The following TMPRSS12 variants were observed in gnomAD, a reference collection of about 807,000 sequenced individuals.
TMPRSS12 encodes transmembrane serine protease 12, also known as transmembrane protease serine 12.
TMPRSS12 carries 25 observed loss-of-function variants against 26.0 expected under a neutral mutation model. The observed-to-expected ratio is 0.96, with a 90% CI of 0.70 to 1.34. The LOEUF (loss-of-function observed/expected upper bound fraction) is 1.34. TMPRSS12 is among the 40% of genes most tolerant of loss of function. The pLI is 0.00. For missense variants in TMPRSS12, 441 were observed against 440.1 expected (o/e 1.00, Z -0.02); for synonymous variants, 150 against 161.7 (o/e 0.93, Z 0.55).
intron 3 of TMPRSS12, among the ~76,000 whole-genome samples, chr12:50,881,603 T>G (rs951169253): frequency 1.3e-5 from 2 of 152,102 alleles, no homozygotes; most frequent in African/African-American, 4.8e-5. Context: ...AACAATAATG[T>G]ATATGGTACA....
At chr12:50,863,027 T>TA (rs1236769262) in intron 3 of TMPRSS12, among the ~76,000 whole-genome samples, 2 of 151,680 alleles carry the variant, frequency 1.3e-5, no homozygotes, top group Non-Finnish European at 2.9e-5. Flanking sequence ...ACCTCGTCGC[T>TA]AAAAAAATTA....
At chr12:50,864,932 TA>T (rs1171947894) in intron 3 of TMPRSS12, among the ~76,000 whole-genome samples, 5 of 152,336 alleles carry the variant, frequency 3.3e-5, no homozygotes, top group African/African-American at 9.6e-5. Flanking sequence ...GTGCTGGGAT[TA>T]CAGGTATGAG....
chr12:50,884,854 AGAGT>A (rs1202795924), intron 3 of TMPRSS12, among the ~76,000 whole-genome samples: 1 of 150,872 alleles, frequency 6.6e-6, no homozygotes, highest in Non-Finnish European at 1.5e-5. Flanking sequence ...CCTGGGTGAC[AGAGT>A]GAGACGCCAT....
At chr12:50,881,690 T>G (rs73294474) in intron 3 of TMPRSS12, among the ~76,000 whole-genome samples, 15,915 of 151,476 alleles carry the variant, frequency 0.11, 1,153 homozygotes, top group African/African-American at 0.2. Context: ...TTAGTTTGAG[T>G]CTAGGTGCTG....
At chr12:50,851,255 A>G (rs1257751021) in intron 2 of TMPRSS12, among the ~76,000 whole-genome samples, 1 of 152,228 alleles carries the variant, frequency 6.6e-6, no homozygotes, top group Non-Finnish European at 1.5e-5. Flanking sequence ...GATGGCAATG[A>G]AGATAAACAA....
chr12:50,863,000 C>T (rs922029405), intron 3 of TMPRSS12, among the ~76,000 whole-genome samples: 1 of 151,760 alleles, frequency 6.6e-6, no homozygotes, highest in African/African-American at 2.4e-5. Context: ...CGAGACCAGC[C>T]TGAGCAACAT....
intron 2 of TMPRSS12, among the ~76,000 whole-genome samples, chr12:50,852,269 C>T (rs1423106598): frequency 6.6e-6 from 1 of 152,186 alleles, no homozygotes; most frequent in South Asian, 2.1e-4. Flanking sequence ...AAACAAGACC[C>T]ACCTGTACAT....
In TMPRSS12 at chr12:50,886,520, A is replaced by G. The variant is rs767329300; in HGVS notation, c.796-742A>G. 2.6e-5 allele frequency: 4 copies of G among 152,316 alleles called. No homozygotes were observed. The East Asian group carries it at 7.7e-4, about 29-fold the overall frequency. 9.4% of individuals were successfully genotyped at this position (152,316 alleles called of 1,614,324 possible). A position where few individuals can be genotyped will look rare whatever the true frequency, so the allele number is the denominator to read the frequency against. The stretch of plus-strand genomic sequence containing the variant: ...GCTGAATGAAATAGTAAAGAATCCA[A>G]TCTAAGTGAATTGCATTCCTAGGCC... On this transcript the variant is annotated intron_variant, in intron 4 of 4. Transcript: ENST00000398458.
At chr12:50,847,878 T>A (rs1315631592) in intron 2 of TMPRSS12, 1 of 151,794 alleles carries the variant, frequency 6.6e-6, no homozygotes, top group Non-Finnish European at 1.5e-5. Context: ...AGAGCGAGAC[T>A]TCATCTCAAA....
chr12:50,843,252 C>A (rs1937732032), intron 1 of TMPRSS12, 101 bp downstream of exon 1: 1 of 1,304,218 alleles, frequency 7.7e-7, no homozygotes, highest in Non-Finnish European at 1.0e-6. Context: ...GTCCCAATGG[C>A]CTTTAACCAA....
chr12:50,861,714 G>A (rs1034150400), intron 3 of TMPRSS12, among the ~76,000 whole-genome samples: 12 of 152,008 alleles, frequency 7.9e-5, no homozygotes, highest in African/African-American at 2.4e-4. Context: ...GGTTAAATAA[G>A]TTGCTTAAAC....
intron 1 of TMPRSS12, 30 bp from the exon 2 acceptor site, chr12:50,843,812 G>A (rs1386822136): frequency 1.9e-6 from 3 of 1,544,878 alleles, no homozygotes; most frequent in South Asian, 1.2e-5. Flanking sequence ...TAGATGCTCA[G>A]TCCAAATAAT....
intron 3 of TMPRSS12, among the ~76,000 whole-genome samples, chr12:50,881,394 T>A (rs142067976): frequency 1.3e-5 from 2 of 152,274 alleles, no homozygotes; most frequent in Admixed American, 1.3e-4. Flanking sequence ...GGTGCTGGTG[T>A]AAATTTAGCA....
chr12:50,867,360 T>A (rs1403240932), intron 3 of TMPRSS12, among the ~76,000 whole-genome samples: 1 of 152,184 alleles, frequency 6.6e-6, no homozygotes, highest in Non-Finnish European at 1.5e-5. Context: ...GCAATAGAAT[T>A]GAGCAAATAG....
intron 3 of TMPRSS12, among the ~76,000 whole-genome samples, chr12:50,871,345 G>A (rs1357780965): frequency 6.6e-6 from 1 of 152,152 alleles, no homozygotes; most frequent in Non-Finnish European, 1.5e-5. Context: ...GTAAAATGGG[G>A]AAAGGACACC....
Position 50,887,478 on chromosome 12 carries a change from GC to G in TMPRSS12, c.1013del (p.Ala338ValfsTer8), listed in dbSNP as rs1443319740. 1 of 1,613,392 alleles carries G rather than the reference GC, an allele frequency of 6.2e-7. No individual in the cohort carries two copies. Among genetic ancestry groups the G allele is most frequent in the Admixed American group, 1.7e-5 (1 of 59,940 alleles). ...TATTTTACGTGGCCAGATCCTCATA[GC>G]TTTATGTTTTGTCATCTTACTAGCA... is the stretch of plus-strand genomic sequence containing the variant. ...INILRGQILI[A>X]LCFVILLATT is the part of the protein sequence containing the mutation. On this transcript the variant is annotated frameshift_variant, in exon 5 of 5. Coordinates refer to ENST00000398458, the MANE Select transcript of TMPRSS12 (RefSeq NM_182559.3). LOFTEE classifies it high-confidence loss of function.
At chr12:50,853,097 A>C (rs1277385728) in intron 2 of TMPRSS12, among the ~76,000 whole-genome samples, 2 of 152,180 alleles carry the variant, frequency 1.3e-5, no homozygotes, top group East Asian at 3.8e-4. Flanking sequence ...ATTCTTAACA[A>C]ATTTTTAAAA....
chr12:50,849,888 C>T (rs1937809037), intron 2 of TMPRSS12, among the ~76,000 whole-genome samples: 1 of 150,622 alleles, frequency 6.6e-6, no homozygotes, highest in East Asian at 1.9e-4. Flanking sequence ...AAAATTCCCC[C>T]ATACCCCTTT....
At position 50,872,680 on chromosome 12, in the gene TMPRSS12, G is replaced by A. The variant is rs1340903941; in HGVS notation, c.653-12566G>A. ...TGACGTATATGTACATATATATGACGTATATGCACATATATATGACGTATA... is the reference window on the plus strand; with the variant it reads ...TGACGTATATGTACATATATATGACATATATGCACATATATATGACGTATA... On this transcript the variant is annotated intron_variant, in intron 3 of 4. Coordinates refer to ENST00000398458, the MANE Select transcript of TMPRSS12 (RefSeq NM_182559.3). Among the ~76,000 whole-genome samples the A allele has an allele frequency of 1.5e-3, 78 of 52,640 alleles. 16 individuals carry two copies. The highest frequency in any genetic ancestry group is 4.0e-3 in the African/African-American group (66 of 16,586). The allele number at this position is 52,640 out of a possible 152,430, so 34.5% of individuals were successfully genotyped here. A position where few individuals can be genotyped will look rare whatever the true frequency, so the allele number is the denominator to read the frequency against.
Sources: allele counts gnomAD v4.1 joint callset (sites outside exome capture counted in the v4.1 genomes callset), GRCh38; gene constraint gnomAD v4.1.1; transcripts MANE v1.5; gene names NCBI Gene and HGNC (gene_info 2026-07-23, HGNC 2026-07-21).